The following USP8 variants were observed in gnomAD, a reference collection of about 807,000 sequenced individuals.
USP8 encodes the protein ubiquitin specific peptidase 8, also known as ubiquitin carboxyl-terminal hydrolase 8.
In USP8, 27 loss-of-function variants were observed where a neutral mutation model predicts 130.0. That is an observed-to-expected ratio of 0.21 (90% CI 0.15 to 0.29). The LOEUF (loss-of-function observed/expected upper bound fraction) is 0.29, where lower values mean the gene tolerates loss of function less well. USP8 is among the 10% of genes least tolerant of loss of function. The pLI, the probability that USP8 is intolerant of heterozygous loss-of-function variation, is 1.00. For synonymous variants in USP8, 392 were observed against 444.1 expected, an observed-to-expected ratio of 0.88 and a Z score of 1.48; for missense variants, 1,029 against 1,312.2, an observed-to-expected ratio of 0.78 and a Z score of 3.33.
intron 12 of USP8, among the ~76,000 whole-genome samples, chr15:50,486,621 A>T (rs2051970588): frequency 6.6e-6 from 1 of 152,268 alleles, no homozygotes; most frequent in Non-Finnish European, 1.5e-5. Flanking sequence ...TTATACAAAA[A>T]AAGTTCATTA....
chr15:50,438,056 T>C (rs1404177985), intron 1 of USP8, among the ~76,000 whole-genome samples: 1 of 152,232 alleles, frequency 6.6e-6, no homozygotes, highest in Non-Finnish European at 1.5e-5. Context: ...AGTGGACTAA[T>C]GTGCACAGGG....
chr15:50,434,481 T>TTCTTTA (rs1258992518), intron 1 of USP8, among the ~76,000 whole-genome samples: 3 of 152,150 alleles, frequency 2.0e-5, no homozygotes, highest in Non-Finnish European at 4.4e-5. Flanking sequence ...AAGGCTGAAG[T>TTCTTTA]TCTTTATCTT....
chr15:50,466,018 T>G (rs2051176980), intron 7 of USP8, among the ~76,000 whole-genome samples: 1 of 152,162 alleles, frequency 6.6e-6, no homozygotes, highest in South Asian at 2.1e-4. Context: ...TTCTTTCTTT[T>G]TTGGTAAGAA....
chr15:50,438,871 T>C, intron 1 of USP8, 138 bp from the exon 2 acceptor site: 1 of 435,586 alleles, frequency 2.3e-6, no homozygotes. Context: ...TATCTTAAAC[T>C]CCTGAAATAG....
In USP8 at chr15:50,485,550, A is replaced by ATTTTTTTTTTTTTTTTTTTTTTTT. The variant is rs71424071; in HGVS notation, c.1890+1199_1890+1222dup. Among the ~76,000 whole-genome samples, 14 of 27,942 alleles carry ATTTTTTTTTTTTTTTTTTTTTTTT rather than the reference A, an allele frequency of 5.0e-4. 3 individuals are homozygous for ATTTTTTTTTTTTTTTTTTTTTTTT. Among genetic ancestry groups the ATTTTTTTTTTTTTTTTTTTTTTTT allele is most frequent in the Admixed American group, 8.0e-4 (1 of 1,246 alleles). The allele number at this position is 27,942 out of a possible 152,430, so 18.3% of individuals were successfully genotyped here. ...CCCATTTTTAGCATGCAGTTTAGTG[A>ATTTTTTTTTTTTTTTTTTTTTTTT]TTTTTTTTTTTTTTTTTTTTTTTTT... On this transcript the variant is annotated intron_variant, in intron 12 of 19. Transcript: ENST00000307179.
intron 10 of USP8, among the ~76,000 whole-genome samples, chr15:50,480,055 CTGGCAACTTCTTT>C (rs1156673213): frequency 1.3e-5 from 2 of 152,172 alleles, no homozygotes; most frequent in African/African-American, 4.8e-5. Flanking sequence ...GTCACTGCGC[CTGGCAACTTCTTT>C]TATTTTCTAG....
rs1347043213 is a variant in USP8, at chr15:50,499,840, T to C, written c.*752T>C. 1 of 152,156 alleles carries C rather than the reference T, an allele frequency of 6.6e-6. No individual in the cohort carries two copies. The highest frequency in any genetic ancestry group is 1.5e-5 in the Non-Finnish European group (1 of 68,016). 9.4% of individuals were successfully genotyped at this position (152,156 alleles called of 1,614,324 possible). A position where few individuals can be genotyped will look rare whatever the true frequency, so the allele number is the denominator to read the frequency against. On this transcript the variant is annotated 3_prime_UTR_variant, in exon 20 of 20. Coordinates refer to ENST00000307179, the MANE Select transcript of USP8 (RefSeq NM_005154.5). ...TATCAAATATAGGACAGTAAAACCATAGATTTTATATACACACGTGCTATA... is the reference window on the plus strand; with the variant it reads ...TATCAAATATAGGACAGTAAAACCACAGATTTTATATACACACGTGCTATA...
Position 50,490,252 on chromosome 15 carries a change from T to G in USP8, c.1972-11T>G, listed in dbSNP as rs376594515. On this transcript the variant is annotated splice_polypyrimidine_tract_variant and intron_variant, in intron 13 of 19. Transcript: ENST00000307179. ...TTTTTGACCTGTTTTTTTTTTTCTTTTCCATCTAAGTTTCTTGACCCAATC... is the reference window on the plus strand; with the variant it reads ...TTTTTGACCTGTTTTTTTTTTTCTTGTCCATCTAAGTTTCTTGACCCAATC... The G allele has an allele frequency of 9.5e-6, 15 of 1,581,398 alleles. No homozygotes were observed. The African/African-American group carries it at 1.8e-4, about 19-fold the overall frequency.
intron 7 of USP8, among the ~76,000 whole-genome samples, chr15:50,468,742 C>T (rs2051281457): frequency 6.6e-6 from 1 of 152,034 alleles, no homozygotes; most frequent in Non-Finnish European, 1.5e-5. Flanking sequence ...TCTGTTGTTT[C>T]CTTCTTTGTG....
intron 3 of USP8, 104 bp from the exon 4 acceptor site, chr15:50,449,296 C>G (rs1457321877): frequency 1.6e-6 from 1 of 607,736 alleles, no homozygotes; most frequent in Non-Finnish European, 2.6e-6. Flanking sequence ...TGTAATAAAA[C>G]AAACTTCCCT....
chr15:50,439,949 A>G (rs776822360), intron 2 of USP8, among the ~76,000 whole-genome samples: 3 of 152,018 alleles, frequency 2.0e-5, no homozygotes, highest in Non-Finnish European at 4.4e-5. Flanking sequence ...TTAACTTGGC[A>G]TGGTGGCATA....
At chr15:50,441,187 G>A (rs896858485) in intron 2 of USP8, among the ~76,000 whole-genome samples, 162 bp from the exon 3 acceptor site, 3 of 152,128 alleles carry the variant, frequency 2.0e-5, no homozygotes, top group African/African-American at 7.2e-5. Flanking sequence ...ACCACTCATC[G>A]TCTGCTGTGC....
chr15:50,499,247 CAAAT>C lies in USP8; in HGVS notation c.*162_*165del. On this transcript the variant is annotated 3_prime_UTR_variant, in exon 20 of 20. Transcript: ENST00000307179. ...ACTATATAATTCCGGTCAGTGCTGA[CAAAT>C]AACATTTAACAAGTATTGCAGTAAT... The C allele has an allele frequency of 3.6e-6, 2 of 561,356 alleles. No homozygotes were observed. The highest frequency in any genetic ancestry group is 5.5e-6 in the Non-Finnish European group (2 of 364,426). The allele number at this position is 561,356 out of a possible 1,614,324, so 34.8% of individuals were successfully genotyped here. A position where few individuals can be genotyped will look rare whatever the true frequency, so the allele number is the denominator to read the frequency against.
chr15:50,472,306 T>G (rs1377651126), intron 8 of USP8, among the ~76,000 whole-genome samples: 2 of 151,882 alleles, frequency 1.3e-5, no homozygotes, highest in Non-Finnish European at 2.9e-5. Context: ...CTTATAAGAT[T>G]ACAAGATGGC....
rs868109723 is a variant in USP8, at chr15:50,500,678, A to G, written c.*1590A>G. The stretch of plus-strand genomic sequence containing the variant: ...TCTTAACGCTTTTGTATTGGTATGG[A>G]AAAGGGCTGGCAGCTATAGAACAGG... On this transcript the variant is annotated 3_prime_UTR_variant, in exon 20 of 20. Coordinates refer to ENST00000307179, the MANE Select transcript of USP8 (RefSeq NM_005154.5). 3 of 1,292,488 alleles carry G rather than the reference A, an allele frequency of 2.3e-6. No homozygotes were observed. The highest frequency in any genetic ancestry group is 5.1e-5 in the East Asian group (2 of 39,322). The allele number at this position is 1,292,488 out of a possible 1,614,324, so 80.1% of individuals were successfully genotyped here.
intron 1 of USP8, among the ~76,000 whole-genome samples, chr15:50,431,030 A>G (rs2049913564): frequency 6.6e-6 from 1 of 152,210 alleles, no homozygotes; most frequent in Non-Finnish European, 1.5e-5. Flanking sequence ...ACAAATGTTT[A>G]TCTGGTCCAA....
intron 1 of USP8, among the ~76,000 whole-genome samples, 165 bp from the exon 2 acceptor site, chr15:50,438,844 T>G (rs2050162072): frequency 2.0e-5 from 3 of 152,230 alleles, no homozygotes; most frequent in African/African-American, 7.2e-5. Flanking sequence ...TATTACATTC[T>G]TCACTCATAT....
chr15:50,471,902 C>CTTTTTTTTTT lies in USP8; in HGVS notation c.849+114_849+123dup, dbSNP rs57729947. On this transcript the variant is annotated intron_variant, in intron 8 of 19. Transcript: ENST00000307179. ...TTAAATACTAAAAGATTCATCATGC[C>CTTTTTTTTTT]TTTTTTTTTTTTTTTTGAGACTGAG... 3.8e-6 allele frequency: 3 copies of CTTTTTTTTTT among 792,084 alleles called. 1 individual carries two copies. Among genetic ancestry groups the CTTTTTTTTTT allele is most frequent in the African/African-American group, 3.9e-5 (2 of 51,422 alleles). The allele number at this position is 792,084 out of a possible 1,614,324, so 49.1% of individuals were successfully genotyped here.
At chr15:50,426,255 A>G (rs2049717729) in intron 1 of USP8, among the ~76,000 whole-genome samples, 1 of 152,242 alleles carries the variant, frequency 6.6e-6, no homozygotes, top group Non-Finnish European at 1.5e-5. Context: ...ACTTTTCTCC[A>G]TGAAAATGCA....
Sources: allele counts gnomAD v4.1 joint callset (sites outside exome capture counted in the v4.1 genomes callset), GRCh38; gene constraint gnomAD v4.1.1; transcripts MANE v1.5; gene names NCBI Gene and HGNC (gene_info 2026-07-23, HGNC 2026-07-21).